RABGAP1L: variants seen among roughly 807,000 people sequenced by gnomAD.
RABGAP1L encodes the protein RAB GTPase activating protein 1 like.
RABGAP1L carries 63 observed loss-of-function variants against 137.7 expected under a neutral mutation model. That is an observed-to-expected ratio of 0.46 (90% CI 0.37 to 0.56). The LOEUF (loss-of-function observed/expected upper bound fraction) is 0.56. RABGAP1L is among the 20% of genes least tolerant of loss of function. The pLI is 0.00. For missense variants in RABGAP1L, 1,095 were observed against 1,244.0 expected (o/e 0.88, Z 1.80); for synonymous variants, 431 against 433.7 (o/e 0.99, Z 0.08).
intron 20 of RABGAP1L, among the ~76,000 whole-genome samples, chr1:174,961,570 C>T (rs1412521434): frequency 6.6e-6 from 1 of 152,126 alleles, no homozygotes; most frequent in Non-Finnish European, 1.5e-5. Context: ...ATTGGCCGGG[C>T]ATGGTGGCTC....
chr1:174,990,299 G>T lies in RABGAP1L; in HGVS notation c.*298G>T. On this transcript the variant is annotated 3_prime_UTR_variant, in exon 26 of 26. Transcript: ENST00000681986. ...GGAAATAAGTAATTCAGAACTAAAT[G>T]CTTTTTTATTTAGAATTATTCATAA... The T allele has an allele frequency of 8.2e-6, 2 of 244,666 alleles. No homozygotes were observed. Among genetic ancestry groups the T allele is most frequent in the Non-Finnish European group, 1.5e-5 (2 of 129,640 alleles). The allele number at this position is 244,666 out of a possible 1,614,324, so 15.2% of individuals were successfully genotyped here.
chr1:174,656,094 A>G (rs1268132415), intron 14 of RABGAP1L, among the ~76,000 whole-genome samples: 2 of 152,056 alleles, frequency 1.3e-5, no homozygotes, highest in African/African-American at 4.8e-5. Flanking sequence ...GTGTGTGTGC[A>G]TACAAACATG....
intron 14 of RABGAP1L, among the ~76,000 whole-genome samples, chr1:174,662,223 C>T (rs1225734764): frequency 6.7e-6 from 1 of 149,840 alleles, no homozygotes; most frequent in Non-Finnish European, 1.5e-5. Context: ...CCTGCCTCAA[C>T]CTCCCAAGTA....
chr1:174,765,742 T>G (rs2148714509), intron 18 of RABGAP1L, among the ~76,000 whole-genome samples: 1 of 152,344 alleles, frequency 6.6e-6, no homozygotes, highest in South Asian at 2.1e-4. Flanking sequence ...CACAAACATT[T>G]TTAATTTTAA....
chr1:174,843,480 T>C (rs1339553194), intron 19 of RABGAP1L, among the ~76,000 whole-genome samples: 1 of 149,258 alleles, frequency 6.7e-6, no homozygotes, highest in East Asian at 2.0e-4. Context: ...ATGCGGTGTT[T>C]GGTTTTTTGT....
chr1:174,596,524 G>T (rs1353956672), intron 13 of RABGAP1L, among the ~76,000 whole-genome samples: 1 of 152,022 alleles, frequency 6.6e-6, no homozygotes, highest in South Asian at 2.1e-4. Flanking sequence ...ATTGTTCATT[G>T]TTGGCATATT....
At chr1:174,767,700 T>C (rs1038456380) in intron 18 of RABGAP1L, among the ~76,000 whole-genome samples, 2 of 152,182 alleles carry the variant, frequency 1.3e-5, no homozygotes, top group African/African-American at 4.8e-5. Context: ...TATTCATGTA[T>C]GTGTATTGTG....
chr1:174,984,878 ATTAG>A (rs1238532193), intron 24 of RABGAP1L, among the ~76,000 whole-genome samples: 1 of 152,240 alleles, frequency 6.6e-6, no homozygotes, highest in Non-Finnish European at 1.5e-5. Flanking sequence ...GTGGATAGAA[ATTAG>A]TTAGAGAGAA....
At chr1:174,834,451 T>C (rs1692512913) in intron 19 of RABGAP1L, among the ~76,000 whole-genome samples, 1 of 150,674 alleles carries the variant, frequency 6.6e-6, no homozygotes, top group Non-Finnish European at 1.5e-5. Flanking sequence ...AAGTAAATTC[T>C]AAACCTGTGT....
At chr1:174,250,680 A>G in intron 6 of RABGAP1L, 48 bp downstream of exon 6, 2 of 1,508,844 alleles carry the variant, frequency 1.3e-6, no homozygotes, top group Non-Finnish European at 1.8e-6. Context: ...CTGGAGTATA[A>G]TATAGGCGCA....
chr1:174,771,691 T>G (rs1427500746), intron 18 of RABGAP1L, among the ~76,000 whole-genome samples: 1 of 152,216 alleles, frequency 6.6e-6, no homozygotes, highest in Non-Finnish European at 1.5e-5. Context: ...GATCATTCTA[T>G]CAGGTATTTC....
At chr1:174,958,993 AATT>A (rs1668856326) in intron 20 of RABGAP1L, among the ~76,000 whole-genome samples, 1 of 152,212 alleles carries the variant, frequency 6.6e-6, no homozygotes, top group Non-Finnish European at 1.5e-5. Context: ...CAGATTATGC[AATT>A]ATTACTAGAA....
intron 13 of RABGAP1L, among the ~76,000 whole-genome samples, chr1:174,470,970 A>G (rs1005960870): frequency 2.6e-5 from 4 of 152,048 alleles, no homozygotes; most frequent in Non-Finnish European, 1.5e-5. Context: ...GACATTACAT[A>G]TTAAGCTTTT....
chr1:174,550,997 C>CAAAT (rs1252681895), intron 13 of RABGAP1L, among the ~76,000 whole-genome samples: 1 of 92,208 alleles, frequency 1.1e-5, no homozygotes, highest in Non-Finnish European at 1.8e-5. Context: ...TATATATATA[C>CAAAT]ACATATATAT....
intron 18 of RABGAP1L, among the ~76,000 whole-genome samples, chr1:174,808,188 C>T (rs759471600): frequency 1.2e-4 from 18 of 151,930 alleles, no homozygotes; most frequent in Non-Finnish European, 2.4e-4. Flanking sequence ...GGGGTTTCAC[C>T]GTGTTAGCCA....
intron 17 of RABGAP1L, among the ~76,000 whole-genome samples, chr1:174,724,514 C>T (rs1472414931): frequency 4.6e-5 from 7 of 152,146 alleles, no homozygotes; most frequent in Non-Finnish European, 8.8e-5. Context: ...TTTGTCTTTT[C>T]TCTAGAAAAA....
chr1:174,799,903 CAT>C (rs1688574936), intron 18 of RABGAP1L: 1 of 989,622 alleles, frequency 1.0e-6, no homozygotes, highest in African/African-American at 1.8e-5. Context: ...TCTTCTCACA[CAT>C]AGACACGCAC....
At chr1:174,272,328 A>G (rs1674622622) in intron 7 of RABGAP1L, 86 bp from the exon 8 acceptor site, 6 of 1,379,748 alleles carry the variant, frequency 4.3e-6, no homozygotes, top group Non-Finnish European at 5.9e-6. Flanking sequence ...CAGATTGTAT[A>G]GTTATTGTAA....
At chr1:174,679,380 T>C (rs937990313) in intron 14 of RABGAP1L, among the ~76,000 whole-genome samples, 1 of 152,132 alleles carries the variant, frequency 6.6e-6, no homozygotes, top group African/African-American at 2.4e-5. Flanking sequence ...TCAGTACCCA[T>C]AGAAGATAAA....
Sources: allele counts gnomAD v4.1 joint callset (sites outside exome capture counted in the v4.1 genomes callset), GRCh38; gene constraint gnomAD v4.1.1; transcripts MANE v1.5; gene names NCBI Gene and HGNC (gene_info 2026-07-23, HGNC 2026-07-21).